SYNCRIP: variants seen among roughly 807,000 people sequenced by gnomAD.
The protein encoded by SYNCRIP is synaptotagmin binding cytoplasmic RNA interacting protein, also known as heterogeneous nuclear ribonucleoprotein Q.
A neutral mutation model predicts 68.9 loss-of-function variants in SYNCRIP; 9 were observed. The ratio of observed to expected loss-of-function variants is 0.13; its 90% CI spans 0.08 to 0.23. SYNCRIP has a LOEUF of 0.23. Ranked by LOEUF, SYNCRIP falls within the 10% of genes least tolerant of loss-of-function variation. The pLI, the probability that SYNCRIP is intolerant of heterozygous loss-of-function variation, is 1.00. For synonymous variants in SYNCRIP, 258 were observed against 254.0 expected (o/e 1.02, Z -0.15); for missense variants, 414 against 770.6 (o/e 0.54, Z 5.48).
chr6:85,638,158 C>T (rs1268854278), intron 4 of SYNCRIP, among the ~76,000 whole-genome samples: 1 of 151,920 alleles, frequency 6.6e-6, no homozygotes, highest in East Asian at 1.9e-4. Context: ...TGGATCAGGA[C>T]ATCAGGAGCT....
intron 8 of SYNCRIP, among the ~76,000 whole-genome samples, chr6:85,619,972 C>T (rs755219092): frequency 4.6e-5 from 7 of 152,144 alleles, no homozygotes; most frequent in African/African-American, 9.7e-5. Flanking sequence ...ATTTGCCAGA[C>T]GCAGTGGCTC....
intron 6 of SYNCRIP, among the ~76,000 whole-genome samples, chr6:85,631,800 C>T (rs2128295140): frequency 6.6e-6 from 1 of 152,266 alleles, no homozygotes; most frequent in Admixed American, 6.5e-5. Context: ...CAAACTAGGG[C>T]TGGGATGTTT....
intron 7 of SYNCRIP, among the ~76,000 whole-genome samples, chr6:85,623,324 G>A (rs1190289696): frequency 6.6e-6 from 1 of 151,906 alleles, no homozygotes; most frequent in African/African-American, 2.4e-5. Context: ...AACACTCTGG[G>A]AGGCCGAGGC....
At chr6:85,630,860 A>G (rs546507652) in intron 6 of SYNCRIP, among the ~76,000 whole-genome samples, 4 of 152,366 alleles carry the variant, frequency 2.6e-5, no homozygotes, top group East Asian at 3.9e-4. Flanking sequence ...AATAATTTAC[A>G]AAGTCAAAAA....
intron 6 of SYNCRIP, among the ~76,000 whole-genome samples, chr6:85,630,503 TG>T (rs2128293770): frequency 6.6e-6 from 1 of 152,378 alleles, no homozygotes; most frequent in African/African-American, 2.4e-5. Context: ...TCACCAGCCT[TG>T]GGCTCCAATT....
intron 10 of SYNCRIP, among the ~76,000 whole-genome samples, chr6:85,616,309 G>A (rs192964898): frequency 2.1e-4 from 32 of 151,916 alleles, no homozygotes; most frequent in African/African-American, 6.3e-4. Flanking sequence ...TTTTTATTCC[G>A]TACCTGTTAT....
chr6:85,615,726 C>T (rs971501548), intron 10 of SYNCRIP, among the ~76,000 whole-genome samples: 1 of 152,196 alleles, frequency 6.6e-6, no homozygotes, highest in African/African-American at 2.4e-5. Flanking sequence ...AGGTGAATCG[C>T]TTGAACCCAG....
In SYNCRIP at chr6:85,622,408, T is replaced by C. The variant is rs1487552091; in HGVS notation, c.1008+74A>G. 7 of 1,341,536 alleles carry C rather than the reference T, an allele frequency of 5.2e-6. No individual in the cohort carries two copies. The African/African-American group carries it at 7.3e-5, about 14-fold the overall frequency. 83.1% of individuals were successfully genotyped at this position (1,341,536 alleles called of 1,614,324 possible). A position where few individuals can be genotyped will look rare whatever the true frequency, so the allele number is the denominator to read the frequency against. ...AAAAAAATGTATACTGTTCATTTTA[T>C]GTTCCCCCCACCCCAACCCCGGCCC... On this transcript the variant is annotated intron_variant, in intron 8 of 10. Transcript: ENST00000369622.
chr6:85,623,579 A>AAAAAAACAACAAAAAAAAAC (rs1554184894), intron 7 of SYNCRIP, among the ~76,000 whole-genome samples: 3 of 125,758 alleles, frequency 2.4e-5, no homozygotes, highest in Non-Finnish European at 5.3e-5. Flanking sequence ...AAAAAAAAAA[A>AAAAAAACAACAAAAAAAAAC]AAAACACTCT....
intron 4 of SYNCRIP, among the ~76,000 whole-genome samples, chr6:85,638,160 TCAG>T (rs2128302041): frequency 6.6e-6 from 1 of 152,060 alleles, no homozygotes; most frequent in East Asian, 1.9e-4. Flanking sequence ...GATCAGGACA[TCAG>T]GAGCTCAAGA....
At chr6:85,636,459 A>T (rs1447622955) in intron 6 of SYNCRIP, among the ~76,000 whole-genome samples, 3 of 152,082 alleles carry the variant, frequency 2.0e-5, no homozygotes, top group Non-Finnish European at 4.4e-5. Flanking sequence ...AAGAAAAGAA[A>T]AAAGAAAAAT....
At chr6:85,612,726 T>C (rs1805342245), downstream of SYNCRIP, 2 of 628,900 alleles carry the variant, frequency 3.2e-6, no homozygotes, top group Admixed American at 7.6e-5. Context: ...GTCCAAGTAT[T>C]AGTTCAATGT....
In SYNCRIP at chr6:85,641,428, T is replaced by C; in HGVS notation, c.12A>G (p.Glu4=). Residue 4 remains glutamate, a synonymous_variant, in exon 2 of 11, where the codon GAA becomes GAG. Transcript: ENST00000369622. MAT[E]HVNGNGTEEP... Reference sequence around the variant, plus strand: ...CTTCAGTACCATTTCCATTAACATGTTCTGTAGCCATGTTTCCAGAGATCT... The same window carrying C: ...CTTCAGTACCATTTCCATTAACATGCTCTGTAGCCATGTTTCCAGAGATCT... The C allele has an allele frequency of 6.2e-7, 1 of 1,612,652 alleles. No homozygotes were observed. Among genetic ancestry groups the C allele is most frequent in the Non-Finnish European group, 8.5e-7 (1 of 1,179,712 alleles).
At chr6:85,615,507 AATGATCAGAGGATCAGG>A (rs1454574715) in intron 10 of SYNCRIP, among the ~76,000 whole-genome samples, 160 bp from the exon 11 acceptor site, 1 of 152,240 alleles carries the variant, frequency 6.6e-6, no homozygotes, top group East Asian at 1.9e-4. Context: ...TAGTAGTAGT[AATGATCAGAGGATCAGG>A]ATGACAATAT....
At chr6:85,618,378 T>TAA (rs536161654) in intron 10 of SYNCRIP, among the ~76,000 whole-genome samples, 48 of 140,620 alleles carry the variant, frequency 3.4e-4, no homozygotes, top group Non-Finnish European at 5.9e-4. Flanking sequence ...CCACCCCTAC[T>TAA]AAAAAAAAAA....
At chr6:85,626,061 C>T (rs1312260455) in intron 6 of SYNCRIP, among the ~76,000 whole-genome samples, 7 of 152,182 alleles carry the variant, frequency 4.6e-5, no homozygotes. Context: ...AAACTCCTGC[C>T]ATATACTTTG....
downstream of SYNCRIP, among the ~76,000 whole-genome samples, chr6:85,613,649 T>C (rs1805450352): frequency 6.6e-6 from 1 of 152,244 alleles, no homozygotes; most frequent in Non-Finnish European, 1.5e-5. Context: ...GATATATATT[T>C]GCTTACCCAA....
Position 85,614,569 on chromosome 6 carries a change from A to G in SYNCRIP, c.*187T>C. The G allele has an allele frequency of 7.8e-7, 1 of 1,289,584 alleles. No homozygotes were observed. Among genetic ancestry groups the G allele is most frequent in the Non-Finnish European group, 9.8e-7 (1 of 1,021,516 alleles). The allele number at this position is 1,289,584 out of a possible 1,614,324, so 79.9% of individuals were successfully genotyped here. On this transcript the variant is annotated 3_prime_UTR_variant, in exon 11 of 11. Coordinates refer to ENST00000369622, the MANE Select transcript of SYNCRIP (RefSeq NM_006372.5). ...AAGAATATCTTTATTGAAAAAAATT[A>G]AAAATAAAATCAGTTCGCCAGAAGC...
intron 6 of SYNCRIP, among the ~76,000 whole-genome samples, chr6:85,628,046 A>G (rs923090641): frequency 6.6e-6 from 1 of 151,598 alleles, no homozygotes; most frequent in Admixed American, 6.6e-5. Flanking sequence ...AGCCTTCCAC[A>G]TTGAAGATTT....
Sources: allele counts gnomAD v4.1 joint callset (sites outside exome capture counted in the v4.1 genomes callset), GRCh38; gene constraint gnomAD v4.1.1; transcripts MANE v1.5; gene names NCBI Gene and HGNC (gene_info 2026-07-23, HGNC 2026-07-21).